Variants in EXOC3 observed in about 807,000 individuals in gnomAD.
EXOC3 encodes exocyst complex component 3.
In EXOC3, 21 loss-of-function variants were observed where a neutral mutation model predicts 73.7. That is an observed-to-expected ratio of 0.29 (90% CI 0.20 to 0.41). The LOEUF (loss-of-function observed/expected upper bound fraction) is 0.41. Among genes scored for constraint, EXOC3 ranks in the 10% least tolerant of loss-of-function variants. EXOC3 has a pLI of 1.00. For missense variants in EXOC3, 842 were observed against 985.1 expected, an observed-to-expected ratio of 0.85 and a Z score of 1.95; for synonymous variants, 410 against 389.1, an observed-to-expected ratio of 1.05 and a Z score of -0.63.
chr5:459,781 G>A (rs1410073058), intron 7 of EXOC3, among the ~76,000 whole-genome samples: 3 of 152,318 alleles, frequency 2.0e-5, no homozygotes, highest in East Asian at 1.9e-4. Flanking sequence ...TGGGGGTGGC[G>A]ACTCCTGCCG....
In EXOC3 at chr5:446,165, C is replaced by G. The variant is rs376658597; in HGVS notation, c.-41C>G. 9.4e-5 allele frequency: 151 copies of G among 1,613,082 alleles called. No individual in the cohort carries two copies. The highest frequency in any genetic ancestry group is 1.3e-4 in the Non-Finnish European group (148 of 1,179,410). On this transcript the variant is annotated 5_prime_UTR_variant, in exon 2 of 13. Transcript: ENST00000512944. The stretch of plus-strand genomic sequence containing the variant: ...ACTCCTGCAGTGCACAGAGAACACC[C>G]CTAGCATGAACAGTGTGAGGATTCC...
At chr5:461,003 T>C (rs1285841859) in intron 7 of EXOC3, among the ~76,000 whole-genome samples, 1 of 152,210 alleles carries the variant, frequency 6.6e-6, no homozygotes, top group Non-Finnish European at 1.5e-5. Flanking sequence ...CCACAGTAAG[T>C]TTAAAAATAG....
intron 4 of EXOC3, among the ~76,000 whole-genome samples, chr5:456,090 A>C (rs1022543528): frequency 6.6e-6 from 1 of 152,134 alleles, no homozygotes; most frequent in African/African-American, 2.4e-5. Flanking sequence ...GCTTGTTTCC[A>C]AAGGACAGCA....
chr5:445,843 G>T (rs1188514075), intron 1 of EXOC3, among the ~76,000 whole-genome samples: 1 of 152,210 alleles, frequency 6.6e-6, no homozygotes, highest in African/African-American at 2.4e-5. Flanking sequence ...CTTGGGGAGA[G>T]ATGTGCCTTT....
At chr5:453,240 C>T in intron 3 of EXOC3, 130 bp from the exon 4 acceptor site, 1 of 655,874 alleles carries the variant, frequency 1.5e-6, no homozygotes, top group East Asian at 2.7e-5. Context: ...TCAGACACAT[C>T]CTGCCATTGC....
chr5:459,513 G>A, intron 7 of EXOC3, 54 bp downstream of exon 7: 2 of 1,041,474 alleles, frequency 1.9e-6, no homozygotes, highest in Admixed American at 3.0e-5. Context: ...TTAAAAATTA[G>A]AAGCAAAAAT....
At chr5:461,842 C>T in intron 7 of EXOC3, 118 bp from the exon 8 acceptor site, 2 of 666,768 alleles carry the variant, frequency 3.0e-6, no homozygotes, top group South Asian at 3.7e-5. Context: ...TTTTTAGAGG[C>T]TCATCCGGTC....
chr5:466,094 G>C (rs1738140949), intron 12 of EXOC3: 1 of 373,672 alleles, frequency 2.7e-6, no homozygotes, highest in Non-Finnish European at 5.0e-6. Context: ...GGGACAGTGG[G>C]GTGGGGGCGG....
At chr5:463,253 A>C (rs959354405) in intron 9 of EXOC3, among the ~76,000 whole-genome samples, 6 of 152,224 alleles carry the variant, frequency 3.9e-5, no homozygotes, top group African/African-American at 1.4e-4. Context: ...AGTGTCCCCA[A>C]AGAGGCAGAC....
At chr5:454,191 AG>A (rs34506393) in intron 4 of EXOC3, 140 bp downstream of exon 4, 1 of 675,496 alleles carries the variant, frequency 1.5e-6, no homozygotes, top group South Asian at 2.0e-5. Context: ...TTTCCAGCCC[AG>A]GGGTGTCTTC....
intron 5 of EXOC3, 129 bp downstream of exon 5, chr5:457,135 C>T (rs1267715525): frequency 6.0e-6 from 4 of 664,708 alleles, no homozygotes; most frequent in South Asian, 1.7e-5. Context: ...TGCTCAGTTG[C>T]CCGGGCTCTG....
chr5:449,759 G>A (rs918279777), intron 3 of EXOC3, among the ~76,000 whole-genome samples: 3 of 152,176 alleles, frequency 2.0e-5, no homozygotes, highest in African/African-American at 7.2e-5. Flanking sequence ...GTGAACATGG[G>A]TGTACAGATG....
At chr5:452,694 T>A (rs141298663) in intron 3 of EXOC3, among the ~76,000 whole-genome samples, 2 of 152,272 alleles carry the variant, frequency 1.3e-5, no homozygotes, top group Admixed American at 6.5e-5. Flanking sequence ...TTGTAGGCTC[T>A]CTGTGCCAAG....
chr5:462,344 C>G lies in EXOC3; in HGVS notation c.1653+37C>G, dbSNP rs371466267. On this transcript the variant is annotated intron_variant, in intron 9 of 12. Coordinates refer to ENST00000512944, the MANE Select transcript of EXOC3 (RefSeq NM_007277.5). Reference sequence around the variant, plus strand: ...TCTTTCCTCCTGCCGTTTTCTGGGCCGAAGCCCAGTGCTTCCTCACTGCCC... The same window carrying G: ...TCTTTCCTCCTGCCGTTTTCTGGGCGGAAGCCCAGTGCTTCCTCACTGCCC... 10 of 1,611,450 alleles carry G rather than the reference C, an allele frequency of 6.2e-6. No individual in the cohort carries two copies. The African/African-American group carries it at 6.7e-5, about 11-fold the overall frequency.
intron 2 of EXOC3, 118 bp downstream of exon 2, chr5:446,467 A>C: frequency 1.1e-6 from 1 of 924,822 alleles, no homozygotes; most frequent in Non-Finnish European, 1.6e-6. Flanking sequence ...GCAGAGCTGG[A>C]CTTTCTTGAG....
At chr5:464,650 G>A (rs1486808050) in intron 10 of EXOC3, 2 of 480,568 alleles carry the variant, frequency 4.2e-6, no homozygotes, top group East Asian at 7.8e-5. Context: ...TTCCCGGAGA[G>A]GCCCGCGTGC....
chr5:459,553 A>G (rs537226771), intron 7 of EXOC3, 94 bp downstream of exon 7: 2 of 592,102 alleles, frequency 3.4e-6, no homozygotes, highest in Admixed American at 3.3e-5. Flanking sequence ...TGTTACTAAG[A>G]AGAAATTAAG....
At position 462,159 on chromosome 5, in the gene EXOC3, A is replaced by T; in HGVS notation, c.1505A>T (p.Glu502Val). Residue 502 changes from glutamate to valine, a missense_variant and splice_region_variant, in exon 9 of 13, where the codon GAA (glutamate) becomes GTA (valine). Transcript: ENST00000512944. Reference protein sequence around the residue: ...AIINNCQTFKESIVSLKRKYL... With the variant: ...AIINNCQTFKVSIVSLKRKYL... ...GAACCTGAACCCTTTCCTTGCAGGG[A>T]ATCCATAGTCAGTTTAAAAAGAAAG... 1 of 1,613,824 alleles carries T rather than the reference A, an allele frequency of 6.2e-7. No individual in the cohort carries two copies. The highest frequency in any genetic ancestry group is 8.5e-7 in the Non-Finnish European group (1 of 1,179,780).
chr5:457,443 C>A, intron 5 of EXOC3: 1 of 238,108 alleles, frequency 4.2e-6, no homozygotes, highest in Non-Finnish European at 8.4e-6. Flanking sequence ...GACAAGGGTG[C>A]GTCCACCTAG....
Sources: gnomAD v4.1 joint callset for allele counts (sites outside exome capture counted in the v4.1 genomes callset) on GRCh38, gnomAD v4.1.1 for gene constraint, MANE v1.5 for transcripts, NCBI Gene and HGNC (gene_info 2026-07-23, HGNC 2026-07-21) for gene names.